HTR1F: variants seen among roughly 807,000 people sequenced by gnomAD.
The protein encoded by HTR1F is 5-hydroxytryptamine (serotonin) receptor 1F, G protein-coupled.
HTR1F carries 17 observed loss-of-function variants against 24.0 expected under a neutral mutation model. The observed-to-expected ratio is 0.71, with a 90% CI of 0.48 to 1.06. HTR1F has a LOEUF of 1.06. Ranked by LOEUF, HTR1F falls within the 50% of genes least tolerant of loss-of-function variation. The pLI is 0.00. For synonymous variants in HTR1F, 186 were observed against 156.8 expected, an observed-to-expected ratio of 1.19 and a Z score of -1.39; for missense variants, 391 against 427.8, an observed-to-expected ratio of 0.91 and a Z score of 0.76.
chr3:87,971,304 A>G (rs1705280901), intron 2 of HTR1F, among the ~76,000 whole-genome samples: 1 of 152,126 alleles, frequency 6.6e-6, no homozygotes, highest in South Asian at 2.1e-4. Flanking sequence ...ATGGTGACTC[A>G]CACCTGTAAT....
intron 1 of HTR1F, among the ~76,000 whole-genome samples, chr3:87,808,473 T>TC (rs1383396202): frequency 9.2e-5 from 14 of 151,910 alleles, no homozygotes; most frequent in African/African-American, 3.4e-4. Flanking sequence ...TCTTTTTTTT[T>TC]CATATCTGAT....
intron 2 of HTR1F, among the ~76,000 whole-genome samples, chr3:87,825,207 T>C (rs1015464253): frequency 6.6e-6 from 1 of 152,194 alleles, no homozygotes; most frequent in African/African-American, 2.4e-5. Context: ...ACAAGAGTAG[T>C]GTCTGTTTCA....
intron 2 of HTR1F, among the ~76,000 whole-genome samples, chr3:87,849,663 G>C (rs1023183215): frequency 6.6e-6 from 1 of 151,854 alleles, no homozygotes. Flanking sequence ...CCATCAGAGT[G>C]AACAGGCAAC....
At chr3:87,935,858 AT>A (rs370693153) in intron 2 of HTR1F, among the ~76,000 whole-genome samples, 13,586 of 147,930 alleles carry the variant, frequency 0.092, 642 homozygotes, top group African/African-American at 0.12. Context: ...CATTTTTAGG[AT>A]TTTTTTTTTT....
chr3:87,799,333 A>C (rs1703957760), intron 1 of HTR1F, among the ~76,000 whole-genome samples: 1 of 152,200 alleles, frequency 6.6e-6, no homozygotes, highest in African/African-American at 2.4e-5. Context: ...TCATACCTGC[A>C]TACAACAATG....
chr3:87,991,293 A>G lies in HTR1F; in HGVS notation c.544A>G (p.Thr182Ala), dbSNP rs774254491. The G allele has an allele frequency of 3.7e-6, 6 of 1,614,024 alleles. No homozygotes were observed. The South Asian group carries it at 5.5e-5, about 15-fold the overall frequency. ...CIIKHDHIVS[T>A]IYSTFGAFYI... ...CATCAAGCACGACCACATTGTTTCC[A>G]CCATTTACTCAACATTTGGAGCTTT... Residue 182 changes from threonine (T) to alanine (A), a missense_variant, in exon 3 of 3, where the codon ACC becomes GCC. Physicochemically the swap from Thr to Ala is moderately conservative, Grantham distance 58. Coordinates refer to ENST00000319595, the MANE Select transcript of HTR1F (RefSeq NM_001322209.2).
At chr3:87,935,013 G>C (rs548007344) in intron 2 of HTR1F, among the ~76,000 whole-genome samples, 1 of 152,112 alleles carries the variant, frequency 6.6e-6, no homozygotes, top group East Asian at 1.9e-4. Context: ...CCAAAGTCCC[G>C]TTCCACCAGA....
intron 2 of HTR1F, among the ~76,000 whole-genome samples, chr3:87,974,662 C>T (rs1705357023): frequency 6.6e-6 from 1 of 152,094 alleles, no homozygotes; most frequent in Non-Finnish European, 1.5e-5. Flanking sequence ...ATGGCATATT[C>T]ATTTTTATAT....
chr3:87,932,211 T>A (rs1704293729), intron 2 of HTR1F, among the ~76,000 whole-genome samples: 1 of 152,154 alleles, frequency 6.6e-6, no homozygotes, highest in Non-Finnish European at 1.5e-5. Flanking sequence ...CATCTTGAAT[T>A]AATTTTTGTA....
At chr3:87,929,467 T>C (rs73847723) in intron 2 of HTR1F, among the ~76,000 whole-genome samples, 13,735 of 152,238 alleles carry the variant, frequency 0.09, 668 homozygotes, top group African/African-American at 0.12. Flanking sequence ...CTTCTCTGTA[T>C]TGGGAATAGT....
chr3:87,953,056 T>C (rs1487541596), intron 2 of HTR1F, among the ~76,000 whole-genome samples: 3 of 151,862 alleles, frequency 2.0e-5, no homozygotes, highest in African/African-American at 7.2e-5. Flanking sequence ...AATGTATTAA[T>C]GTATTAAAGA....
chr3:87,900,719 C>A (rs1031102121), intron 2 of HTR1F, among the ~76,000 whole-genome samples: 2 of 152,004 alleles, frequency 1.3e-5, no homozygotes, highest in African/African-American at 4.8e-5. Flanking sequence ...ATACATAAGG[C>A]AAAAGAGAAG....
chr3:87,808,780 T>A (rs1297328826), intron 1 of HTR1F, among the ~76,000 whole-genome samples: 4 of 151,986 alleles, frequency 2.6e-5, no homozygotes, highest in African/African-American at 9.7e-5. Flanking sequence ...CTGCTTTTGC[T>A]GTATCCCATA....
At chr3:87,804,134 G>T (rs1704036942) in intron 1 of HTR1F, among the ~76,000 whole-genome samples, 1 of 151,740 alleles carries the variant, frequency 6.6e-6, no homozygotes, top group Non-Finnish European at 1.5e-5. Flanking sequence ...ATAATGAATT[G>T]CAATATTTAC....
chr3:87,865,534 T>C (rs1438508813), intron 2 of HTR1F, among the ~76,000 whole-genome samples: 1 of 152,152 alleles, frequency 6.6e-6, no homozygotes, highest in African/African-American at 2.4e-5. Context: ...CTACTTAATT[T>C]TCCTCATTCT....
chr3:87,826,815 T>A (rs1429214935), intron 2 of HTR1F, among the ~76,000 whole-genome samples: 3 of 152,072 alleles, frequency 2.0e-5, no homozygotes, highest in Non-Finnish European at 4.4e-5. Context: ...ATCATTATTA[T>A]TATTATTATT....
At chr3:87,800,759 G>A (rs373812306) in intron 1 of HTR1F, among the ~76,000 whole-genome samples, 1 of 152,172 alleles carries the variant, frequency 6.6e-6, no homozygotes, top group African/African-American at 2.4e-5. Context: ...CTACCCTTGA[G>A]TAGGAGTGAT....
At chr3:87,886,531 G>C (rs975399110) in intron 2 of HTR1F, among the ~76,000 whole-genome samples, 2 of 152,156 alleles carry the variant, frequency 1.3e-5, no homozygotes, top group African/African-American at 4.8e-5. Flanking sequence ...TATTCAGTTA[G>C]GAAAAGAGGA....
chr3:87,919,521 C>G (rs1266908039), intron 2 of HTR1F, among the ~76,000 whole-genome samples: 1 of 151,476 alleles, frequency 6.6e-6, no homozygotes, highest in Non-Finnish European at 1.5e-5. Context: ...TCAAACAAAT[C>G]AGCAAGAAAA....
Sources: gnomAD v4.1 joint callset for allele counts (sites outside exome capture counted in the v4.1 genomes callset) on GRCh38, gnomAD v4.1.1 for gene constraint, MANE v1.5 for transcripts, NCBI Gene and HGNC (gene_info 2026-07-23, HGNC 2026-07-21) for gene names.